The following NDRG4 variants were observed in gnomAD, a reference collection of about 807,000 sequenced individuals.
NDRG4 encodes the protein NDRG family member 4.
Under a neutral mutation model 55.8 loss-of-function variants are expected in NDRG4, and 38 were observed. The ratio of observed to expected loss-of-function variants is 0.68; its 90% CI spans 0.53 to 0.89. The LOEUF (loss-of-function observed/expected upper bound fraction) is 0.89. Ranked by LOEUF, NDRG4 falls within the 40% of genes least tolerant of loss-of-function variation. NDRG4 has a pLI of 0.00. For synonymous variants in NDRG4, 190 were observed against 182.7 expected (o/e 1.04, Z -0.32); for missense variants, 455 against 468.6 (o/e 0.97, Z 0.27).
chr16:58,514,442 G>T (rs1018705927), downstream of NDRG4, among the ~76,000 whole-genome samples: 1 of 151,540 alleles, frequency 6.6e-6, no homozygotes, highest in African/African-American at 2.4e-5. Context: ...GGATTTGCCT[G>T]AGTAACAGAC....
chr16:58,511,178 C>A, intron 14 of NDRG4: 1 of 538,796 alleles, frequency 1.9e-6, no homozygotes. Context: ...GGAAACCCAG[C>A]ACCTCCCTGC....
chr16:58,479,050 A>G (rs184586456), intron 1 of NDRG4, among the ~76,000 whole-genome samples: 550 of 152,172 alleles, frequency 3.6e-3, no homozygotes, highest in Admixed American at 5.9e-3. Flanking sequence ...TTATTTTGAG[A>G]CAGAATCTCA....
Position 58,464,228 on chromosome 16 carries a change from T to G in NDRG4, c.-24+431T>G. ...TTTTTGGGGGTGCGCGGCCATGCAATTGGTGGATTTTTTTAAACCGTTTTG... is the reference window on the plus strand; with the variant it reads ...TTTTTGGGGGTGCGCGGCCATGCAAGTGGTGGATTTTTTTAAACCGTTTTG... On this transcript the variant is annotated intron_variant, in intron 1 of 15. Transcript: ENST00000258187. The surrounding 1 kb of genome is among the most constrained non-coding windows in gnomAD (Gnocchi z 4.8). 10 of 400,816 alleles carry G rather than the reference T, an allele frequency of 2.5e-5. No individual in the cohort carries two copies. Among genetic ancestry groups the G allele is most frequent in the Middle Eastern group, 6.5e-4 (1 of 1,546 alleles). 24.8% of individuals were successfully genotyped at this position (400,816 alleles called of 1,614,324 possible).
intron 1 of NDRG4, chr16:58,500,874 C>T (rs928880580): frequency 4.9e-6 from 3 of 617,136 alleles, no homozygotes; most frequent in East Asian, 3.5e-5. Context: ...GGCTCTGCTG[C>T]GCCAGCCGGG....
In NDRG4 at chr16:58,503,863, C is replaced by G; in HGVS notation, c.87C>G (p.Asn29Lys). 6.2e-7 allele frequency: 1 copy of G among 1,613,958 alleles called. No individual in the cohort carries two copies. Among genetic ancestry groups the G allele is most frequent in the Non-Finnish European group, 8.5e-7 (1 of 1,179,988 alleles). The change falls in exon 2 of 15, where the codon AAC becomes AAG. Residue 29 changes from asparagine (N) to lysine (K), a missense_variant. By Grantham distance (94) the Asn-to-Lys change is moderately conservative (BLOSUM62 0). Coordinates refer to ENST00000570248, the MANE Select transcript of NDRG4 (RefSeq NM_001242835.2). ...TGATCCGGGGCTCCCCCAAGGGGAA[C>G]CGCCCAGCCATCCTCACCTACCATG... ...HVVIRGSPKG[N>K]RPAILTYHDV...
chr16:58,503,825 C>T lies in NDRG4; in HGVS notation c.49C>T (p.Leu17Phe). The stretch of plus-strand genomic sequence containing the variant: ...ACATGACATCGAGACACCCTACGGC[C>T]TTCTGCATGTAGTGATCCGGGGCTC... The part of the protein sequence containing the change: ...GEHDIETPYG[L>F]LHVVIRGSPK... The change falls in exon 2 of 15, where the codon CTT becomes TTT. Residue 17 changes from leucine to phenylalanine, a missense_variant. Coordinates refer to ENST00000570248, the MANE Select transcript of NDRG4 (RefSeq NM_001242835.2). 6.2e-7 allele frequency: 1 copy of T among 1,613,994 alleles called. No individual in the cohort carries two copies. Among genetic ancestry groups the T allele is most frequent in the East Asian group, 2.2e-5 (1 of 44,868 alleles).
rs59711785 is a variant in NDRG4, at chr16:58,494,832, T to TAA, written c.73-118_73-117dup. 241,930 of 532,952 alleles carry TAA rather than the reference T, an allele frequency of 0.45. 38,041 individuals are homozygous for TAA. Among genetic ancestry groups the TAA allele is most frequent in the African/African-American group, 0.69 (32,397 of 46,976 alleles). The allele number at this position is 532,952 out of a possible 1,614,324, so 33.0% of individuals were successfully genotyped here. ...GGGTGATAGAGTGAGACCCTGTCTC[T>TAA]AAAAAAAAAAAAAAAGAAAAGAAAA... On this transcript the variant is annotated intron_variant, in intron 2 of 15. Coordinates refer to the NDRG4 transcript ENST00000258187.
rs79642910 is a variant in NDRG4, at chr16:58,503,518, G to A, written c.22-280G>A. 9.9e-3 allele frequency among the ~76,000 whole-genome samples: 1,508 copies of A among 152,264 alleles called. 28 individuals are homozygous for A. Among genetic ancestry groups the A allele is most frequent in the African/African-American group, 0.034 (1,427 of 41,538 alleles). ...AAACAGCCTCCCTGGACCCTCAAGG[G>A]CGGAGGACAGTGACAGCACAAACCA... is the stretch of plus-strand genomic sequence containing the variant. On this transcript the variant is annotated intron_variant, in intron 1 of 14. Coordinates refer to ENST00000570248, the MANE Select transcript of NDRG4 (RefSeq NM_001242835.2).
intron 10 of NDRG4, among the ~76,000 whole-genome samples, chr16:58,508,203 G>A (rs1486834197): frequency 1.3e-5 from 2 of 152,196 alleles, no homozygotes; most frequent in Non-Finnish European, 2.9e-5. Context: ...GGGGAGGCCT[G>A]GAAATGGGGA....
At chr16:58,514,745 CAAAAAAAAAAAAAAAAAAAAG>C (rs2039063355), downstream of NDRG4, among the ~76,000 whole-genome samples, 1 of 82,134 alleles carries the variant, frequency 1.2e-5, no homozygotes, top group Admixed American at 1.6e-4. Context: ...CCCAACGCGC[CAAAAAAAAAAAAAAAAAAAAG>C]GAAAAAAAAA....
At chr16:58,500,376 C>A in intron 1 of NDRG4, 107 bp downstream of exon 1, 2 of 1,429,356 alleles carry the variant, frequency 1.4e-6, no homozygotes, top group Non-Finnish European at 1.9e-6. Context: ...GGTGGCAGCC[C>A]GGCCTTCAAA....
In NDRG4 at chr16:58,482,612, TCTC is replaced by T. The variant is rs1428747244; in HGVS notation, c.-23-5140_-23-5138del. ...TTCTCCGATGTATTTTCATTTTTTT[TCTC>T]CTCTTCTCTTCTCTTTTTCCTTCCT... is the stretch of plus-strand genomic sequence containing the variant. On this transcript the variant is annotated intron_variant, in intron 1 of 15. Transcript: ENST00000258187. 4.0e-5 allele frequency among the ~76,000 whole-genome samples: 6 copies of T among 151,736 alleles called. No individual in the cohort carries two copies. The East Asian group carries it at 5.8e-4, about 15-fold the overall frequency.
intron 2 of NDRG4, among the ~76,000 whole-genome samples, chr16:58,492,251 A>G (rs1275297002): frequency 2.6e-5 from 4 of 151,658 alleles, no homozygotes; most frequent in Admixed American, 1.3e-4. Flanking sequence ...CTCTGCTCCT[A>G]TGTCCCCATC....
intron 5 of NDRG4, 63 bp from the exon 6 acceptor site, chr16:58,506,320 TACAG>T (rs759110036): frequency 4.3e-5 from 64 of 1,486,400 alleles, no homozygotes; most frequent in Non-Finnish European, 5.4e-5. Flanking sequence ...TTGAAGACTT[TACAG>T]AGTGTTTCTG....
chr16:58,511,005 C>T (rs992057129), intron 14 of NDRG4: 11 of 506,510 alleles, frequency 2.2e-5, no homozygotes, highest in South Asian at 1.5e-4. Flanking sequence ...AGGAGAGTTC[C>T]GGAGGGTAGA....
chr16:58,501,930 C>T (rs1309740420), intron 1 of NDRG4: 1 of 453,512 alleles, frequency 2.2e-6, no homozygotes, highest in South Asian at 1.6e-5. Flanking sequence ...AGGAGGATAA[C>T]TGTCCTTTAT....
At chr16:58,488,245 CTT>C (rs2151686168) in intron 2 of NDRG4, among the ~76,000 whole-genome samples, 1 of 152,352 alleles carries the variant, frequency 6.6e-6, no homozygotes, top group East Asian at 1.9e-4. Context: ...TCTGTGCGCT[CTT>C]TTCCTTATCT....
At chr16:58,470,052 G>GTA (rs937216780) in intron 1 of NDRG4, among the ~76,000 whole-genome samples, 34 of 152,246 alleles carry the variant, frequency 2.2e-4, no homozygotes, top group African/African-American at 7.7e-4. Flanking sequence ...GAATAAAAGG[G>GTA]TATACACAAC....
intron 1 of NDRG4, chr16:58,487,712 G>T (rs1204833793): frequency 1.4e-6 from 2 of 1,428,266 alleles, no homozygotes; most frequent in Admixed American, 4.6e-5. Context: ...CTCCGCCCGG[G>T]CGTCCCCGCC....
Sources: gnomAD v4.1 joint callset for allele counts (sites outside exome capture counted in the v4.1 genomes callset) on GRCh38, gnomAD v4.1.1 for gene constraint, Gnocchi (gnomAD v3.1) non-coding constraint, MANE v1.5 for transcripts, NCBI Gene and HGNC (gene_info 2026-07-23, HGNC 2026-07-21) for gene names.